The following MPDZ variants were observed in gnomAD, a reference collection of about 807,000 sequenced individuals.
MPDZ encodes the protein multiple PDZ domain crumbs cell polarity complex component.
Under a neutral mutation model 239.1 loss-of-function variants are expected in MPDZ, and 234 were observed. The ratio of observed to expected loss-of-function variants is 0.98; its 90% CI spans 0.88 to 1.09. MPDZ has a LOEUF of 1.09. Ranked by LOEUF, MPDZ falls within the 50% of genes least tolerant of loss-of-function variation. The probability of loss-of-function intolerance (pLI) is 0.00; values close to 1 mark genes in which losing one functional copy is unlikely to be tolerated. For synonymous variants in MPDZ, 1,048 were observed against 881.3 expected, an observed-to-expected ratio of 1.19 and a Z score of -3.35; for missense variants, 3,175 against 2,510.0, an observed-to-expected ratio of 1.26 and a Z score of -5.66.
chr9:13,229,413 A>C (rs1468634907), intron 3 of MPDZ, among the ~76,000 whole-genome samples: 1 of 152,062 alleles, frequency 6.6e-6, no homozygotes, highest in Non-Finnish European at 1.5e-5. Context: ...AGAAAATCTT[A>C]AAAACCACTA....
At chr9:13,150,411 AT>A (rs1366542754) in intron 25 of MPDZ, 99 bp downstream of exon 25, 22 of 935,158 alleles carry the variant, frequency 2.4e-5, no homozygotes, top group Non-Finnish European at 3.1e-5. Flanking sequence ...ATTTTAGCAC[AT>A]GTACCCTAAA....
chr9:13,171,507 G>T (rs1395669919), intron 21 of MPDZ, among the ~76,000 whole-genome samples: 1 of 151,978 alleles, frequency 6.6e-6, no homozygotes, highest in East Asian at 1.9e-4. Flanking sequence ...ATCAGTGAAG[G>T]GAAGATAAAG....
At chr9:13,202,547 C>A (rs1375270850) in intron 12 of MPDZ, among the ~76,000 whole-genome samples, 3 of 152,196 alleles carry the variant, frequency 2.0e-5, no homozygotes, top group African/African-American at 7.2e-5. Context: ...ATGCCAGTCA[C>A]TGTGATCAGT....
At chr9:13,144,740 A>G (rs1446870857) in intron 26 of MPDZ, among the ~76,000 whole-genome samples, 1 of 152,084 alleles carries the variant, frequency 6.6e-6, no homozygotes, top group Admixed American at 6.6e-5. Flanking sequence ...CAGAGGGAAG[A>G]CAGGAAAAAG....
At chr9:13,155,600 GT>G (rs1949720804) in intron 24 of MPDZ, among the ~76,000 whole-genome samples, 1 of 152,028 alleles carries the variant, frequency 6.6e-6, no homozygotes, top group Non-Finnish European at 1.5e-5. Flanking sequence ...TATCAATTGT[GT>G]AAAATGAAAA....
At chr9:13,141,086 G>T (rs1947596375) in intron 27 of MPDZ, 1 of 134,518 alleles carries the variant, frequency 7.4e-6, no homozygotes, top group South Asian at 2.4e-4. Context: ...TAGGGTCATA[G>T]GTCCTATTTC....
chr9:13,265,278 T>C (rs762146089), intron 1 of MPDZ, among the ~76,000 whole-genome samples: 3 of 152,198 alleles, frequency 2.0e-5, no homozygotes, highest in Non-Finnish European at 2.9e-5. Flanking sequence ...GACTGTGTCC[T>C]GGGCAGGTCG....
intron 10 of MPDZ, 98 bp downstream of exon 10, chr9:13,216,676 G>T: frequency 1.2e-6 from 1 of 823,882 alleles, no homozygotes; most frequent in Non-Finnish European, 1.9e-6. Flanking sequence ...GCTTAAATTA[G>T]TACAGAGTTA....
chr9:13,202,270 A>C (rs1371200445), intron 12 of MPDZ, among the ~76,000 whole-genome samples: 5 of 152,166 alleles, frequency 3.3e-5, no homozygotes, highest in Non-Finnish European at 7.4e-5. Context: ...TGAGCACTGA[A>C]AATTAAACAC....
intron 1 of MPDZ, among the ~76,000 whole-genome samples, chr9:13,260,463 C>T (rs1389794975): frequency 6.6e-6 from 1 of 152,118 alleles, no homozygotes; most frequent in Non-Finnish European, 1.5e-5. Context: ...TGTGACTATT[C>T]TAGAAATGTC....
chr9:13,168,330 T>C (rs1455894300), intron 22 of MPDZ, 36 bp downstream of exon 22: 1 of 1,576,004 alleles, frequency 6.3e-7, no homozygotes, highest in African/African-American at 1.4e-5. Context: ...AATTCCTGAA[T>C]TTCCCAAGTT....
chr9:13,206,142 A>G lies in MPDZ; in HGVS notation c.1291-43T>C, dbSNP rs766400429. The G allele has an allele frequency of 1.8e-5, 28 of 1,523,354 alleles. No individual in the cohort carries two copies. The Admixed American group carries it at 5.3e-4, about 29-fold the overall frequency. The allele number at this position is 1,523,354 out of a possible 1,614,324, so 94.4% of individuals were successfully genotyped here. On this transcript the variant is annotated intron_variant, in intron 10 of 46. Coordinates refer to ENST00000319217, the MANE Select transcript of MPDZ (RefSeq NM_001378778.1). ...AAAAAGCATGTTACATGTTAAATAA[A>G]TGGATATTTGTATTACCAATTCACA...
intron 19 of MPDZ, among the ~76,000 whole-genome samples, chr9:13,182,327 T>C (rs1953453582): frequency 6.6e-6 from 1 of 152,114 alleles, no homozygotes; most frequent in African/African-American, 2.4e-5. Flanking sequence ...TTTGCCATGA[T>C]TTAATAGATA....
intron 32 of MPDZ, among the ~76,000 whole-genome samples, chr9:13,130,116 G>T (rs991087088): frequency 6.6e-6 from 1 of 152,048 alleles, no homozygotes; most frequent in African/African-American, 2.4e-5. Context: ...TCCTTTCCTA[G>T]GGCAAACTGT....
intron 24 of MPDZ, among the ~76,000 whole-genome samples, chr9:13,152,999 C>A (rs952508568): frequency 2.0e-5 from 3 of 151,918 alleles, no homozygotes; most frequent in African/African-American, 7.3e-5. Flanking sequence ...ATGATGAGAC[C>A]CTGCAATCTG....
chr9:13,247,602 C>T (rs1454932590), intron 3 of MPDZ, 33 bp downstream of exon 3: 10 of 1,584,000 alleles, frequency 6.3e-6, no homozygotes, highest in African/African-American at 1.3e-5. Context: ...TATGCCATGT[C>T]GTGAATGCCT....
chr9:13,221,553 T>G (rs1175768595), intron 6 of MPDZ, 53 bp from the exon 7 acceptor site: 26 of 1,566,376 alleles, frequency 1.7e-5, no homozygotes, highest in Non-Finnish European at 2.2e-5. Flanking sequence ...GCACTACCAT[T>G]TTACATTACA....
At chr9:13,156,638 C>T (rs1949853867) in intron 24 of MPDZ, among the ~76,000 whole-genome samples, 1 of 152,172 alleles carries the variant, frequency 6.6e-6, no homozygotes, top group Admixed American at 6.6e-5. Flanking sequence ...ATGGGAGCTA[C>T]AAGATGAGAT....
chr9:13,270,263 C>T (rs1972664759), intron 1 of MPDZ, among the ~76,000 whole-genome samples: 2 of 152,192 alleles, frequency 1.3e-5, no homozygotes, highest in South Asian at 4.1e-4. Context: ...TTATTTTGTT[C>T]GTCACTTCAA....
Sources: allele counts gnomAD v4.1 joint callset (sites outside exome capture counted in the v4.1 genomes callset), GRCh38; gene constraint gnomAD v4.1.1; transcripts MANE v1.5; gene names NCBI Gene and HGNC (gene_info 2026-07-23, HGNC 2026-07-21).